Variants in ME1 observed in about 807,000 individuals in gnomAD.
ME1 encodes malic enzyme 1, also known as NADP-dependent malic enzyme.
Under a neutral mutation model 66.4 loss-of-function variants are expected in ME1, and 74 were observed. That is an observed-to-expected ratio of 1.11 (90% confidence interval 0.92 to 1.35). ME1 has a LOEUF of 1.35. Ranked by LOEUF, ME1 falls within the 40% of genes most tolerant of loss-of-function variation. The probability of loss-of-function intolerance (pLI) is 0.00; values close to 1 mark genes in which losing one functional copy is unlikely to be tolerated. For synonymous variants in ME1, 251 were observed against 235.6 expected, an observed-to-expected ratio of 1.07 and a Z score of -0.60; for missense variants, 750 against 694.1, an observed-to-expected ratio of 1.08 and a Z score of -0.90.
At chr6:83,281,236 C>T (rs1279803340) in intron 6 of ME1, among the ~76,000 whole-genome samples, 1 of 152,074 alleles carries the variant, frequency 6.6e-6, no homozygotes, top group Non-Finnish European at 1.5e-5. Context: ...TTAATATAAC[C>T]TTTCAAAACA....
At chr6:83,389,658 A>C (rs1334112244) in intron 3 of ME1, among the ~76,000 whole-genome samples, 1 of 152,154 alleles carries the variant, frequency 6.6e-6, no homozygotes, top group African/African-American at 2.4e-5. Context: ...AGTTATATGA[A>C]TCTGCTTCAG....
chr6:83,227,380 AG>A lies in ME1; in HGVS notation c.1229del (p.Thr410IlefsTer14), dbSNP rs1562452249. ...GCTCTGCAGAACATTCTGCTTTGCT[AG>A]TTGGATTACTCAAAGCAAAAATAAT... ...RPIIFALSNP[T>X]SKAECSAEQC... On this transcript the variant is annotated frameshift_variant, in exon 11 of 14. Transcript: ENST00000369705. LOFTEE classifies it high-confidence loss of function. 3 of 1,603,694 alleles carry A rather than the reference AG, an allele frequency of 1.9e-6. No homozygotes were observed. In the South Asian group the frequency reaches 3.3e-5, roughly 18 times the overall value.
At chr6:83,376,077 T>C (rs897408109) in intron 3 of ME1, among the ~76,000 whole-genome samples, 11 of 152,206 alleles carry the variant, frequency 7.2e-5, no homozygotes, top group African/African-American at 1.9e-4. Flanking sequence ...GAAACAATTA[T>C]CTTGTTTTAT....
At chr6:83,347,571 G>A (rs1426404976) in intron 4 of ME1, among the ~76,000 whole-genome samples, 1 of 152,090 alleles carries the variant, frequency 6.6e-6, no homozygotes, top group African/African-American at 2.4e-5. Context: ...TTGGGAACCA[G>A]GTCTTTTTGC....
chr6:83,342,161 C>T (rs1340224950), intron 5 of ME1, among the ~76,000 whole-genome samples: 1 of 152,172 alleles, frequency 6.6e-6, no homozygotes, highest in Non-Finnish European at 1.5e-5. Context: ...GGGGTGAACA[C>T]TAATTGGCCA....
chr6:83,379,497 C>T (rs771496230), intron 3 of ME1, among the ~76,000 whole-genome samples: 3 of 151,952 alleles, frequency 2.0e-5, no homozygotes, highest in Non-Finnish European at 4.4e-5. Context: ...ATAATAGCTT[C>T]CTTTGCATTC....
At chr6:83,281,527 C>T (rs1042150132) in intron 6 of ME1, among the ~76,000 whole-genome samples, 4 of 152,048 alleles carry the variant, frequency 2.6e-5, no homozygotes, top group African/African-American at 9.7e-5. Flanking sequence ...AACTTCCGGC[C>T]AGGCACAGTG....
chr6:83,416,384 A>C (rs1186261245), intron 1 of ME1, among the ~76,000 whole-genome samples: 1 of 152,198 alleles, frequency 6.6e-6, no homozygotes, highest in Non-Finnish European at 1.5e-5. Flanking sequence ...TGAGTTTAAG[A>C]ATCAGTTTTC....
intron 1 of ME1, among the ~76,000 whole-genome samples, chr6:83,415,067 C>A (rs1381352802): frequency 6.6e-6 from 1 of 152,086 alleles, no homozygotes; most frequent in Non-Finnish European, 1.5e-5. Context: ...TCATACGTAC[C>A]TTTATACTAT....
chr6:83,402,543 G>C (rs1386471484), intron 2 of ME1, among the ~76,000 whole-genome samples: 1 of 152,204 alleles, frequency 6.6e-6, no homozygotes, highest in East Asian at 1.9e-4. Context: ...GCCAAGAAAG[G>C]AGTTACTGTG....
At chr6:83,360,238 T>G (rs1239539205) in intron 3 of ME1, among the ~76,000 whole-genome samples, 1 of 152,158 alleles carries the variant, frequency 6.6e-6, no homozygotes, top group Non-Finnish European at 1.5e-5. Context: ...ATGCAGTGAA[T>G]CTTTCTCCCA....
At chr6:83,282,413 A>G (rs2128533281) in intron 6 of ME1, among the ~76,000 whole-genome samples, 1 of 152,312 alleles carries the variant, frequency 6.6e-6, no homozygotes, top group East Asian at 1.9e-4. Flanking sequence ...AAACAAACTT[A>G]CAAGAAAAAA....
At chr6:83,306,550 A>G (rs1296568366) in intron 6 of ME1, among the ~76,000 whole-genome samples, 1 of 152,122 alleles carries the variant, frequency 6.6e-6, no homozygotes, top group Non-Finnish European at 1.5e-5. Context: ...GTTACAACCT[A>G]AAACATAAAT....
intron 6 of ME1, among the ~76,000 whole-genome samples, chr6:83,288,389 C>T (rs1767437156): frequency 1.3e-5 from 2 of 152,226 alleles, no homozygotes; most frequent in Middle Eastern, 6.8e-3. Flanking sequence ...CCAGTTTTCC[C>T]AACACTATTT....
At chr6:83,307,948 G>A (rs1429052991) in intron 6 of ME1, among the ~76,000 whole-genome samples, 1 of 152,128 alleles carries the variant, frequency 6.6e-6, no homozygotes, top group African/African-American at 2.4e-5. Context: ...TCTGATAAGT[G>A]ACCCTCAAGG....
chr6:83,352,314 G>A (rs930043359), intron 3 of ME1, among the ~76,000 whole-genome samples, 175 bp from the exon 4 acceptor site: 39 of 151,942 alleles, frequency 2.6e-4, no homozygotes, highest in African/African-American at 8.9e-4. Flanking sequence ...ATAAGTAAGG[G>A]AGAAATTACT....
At chr6:83,276,225 T>C (rs1213556246) in intron 6 of ME1, among the ~76,000 whole-genome samples, 1 of 152,178 alleles carries the variant, frequency 6.6e-6, no homozygotes, top group African/African-American at 2.4e-5. Flanking sequence ...ATACAGTAAT[T>C]GAAAGCAGTA....
chr6:83,229,483 G>C lies in ME1; in HGVS notation c.1027-552C>G, dbSNP rs562749834. Among the ~76,000 whole-genome samples, 5 of 152,088 alleles carry C rather than the reference G, an allele frequency of 3.3e-5. No individual in the cohort carries two copies. The East Asian group carries it at 9.7e-4, about 29-fold the overall frequency. On this transcript the variant is annotated intron_variant, in intron 9 of 13. Transcript: ENST00000369705. ...GTAAACATCTAATTATAATATTCTA[G>C]CTGCAAATTTTAAAGATTTGACTAC... is the stretch of plus-strand genomic sequence containing the variant.
chr6:83,348,933 G>C (rs1309367278), intron 4 of ME1, among the ~76,000 whole-genome samples: 1 of 132,924 alleles, frequency 7.5e-6, no homozygotes, highest in Non-Finnish European at 1.5e-5. Context: ...GCAGTGAGCA[G>C]AGATCACACC....
Sources: gnomAD v4.1 joint callset for allele counts (sites outside exome capture counted in the v4.1 genomes callset) on GRCh38, gnomAD v4.1.1 for gene constraint, MANE v1.5 for transcripts, NCBI Gene and HGNC (gene_info 2026-07-23, HGNC 2026-07-21) for gene names.